DLG2: variants seen among roughly 807,000 people sequenced by gnomAD.
DLG2 encodes the protein discs large MAGUK scaffold protein 2, also known as disks large homolog 2.
In DLG2, 45 loss-of-function variants were observed where a neutral mutation model predicts 132.5. The observed-to-expected ratio is 0.34, with a 90% CI of 0.27 to 0.44. The LOEUF (loss-of-function observed/expected upper bound fraction) is 0.44, where lower values mean the gene tolerates loss of function less well. Ranked by LOEUF, DLG2 falls within the 20% of genes least tolerant of loss-of-function variation. DLG2 has a pLI of 1.00. For synonymous variants in DLG2, 424 were observed against 419.6 expected (o/e 1.01, Z -0.13); for missense variants, 1,045 against 1,196.9 (o/e 0.87, Z 1.87).
intron 21 of DLG2, 136 bp downstream of exon 21, chr11:83,532,572 C>A: frequency 1.5e-6 from 1 of 682,050 alleles, no homozygotes; most frequent in East Asian, 2.8e-5. Context: ...TTATTAACTT[C>A]AGCAATATAT....
chr11:85,422,549 G>A (rs1287215932), intron 3 of DLG2, among the ~76,000 whole-genome samples: 1 of 150,596 alleles, frequency 6.6e-6, no homozygotes, highest in African/African-American at 2.4e-5. Context: ...TTTTTTTGGT[G>A]GGGGGGATTT....
intron 15 of DLG2, among the ~76,000 whole-genome samples, chr11:83,895,145 C>CTTTTTTTT (rs11287512): frequency 4.6e-5 from 4 of 87,910 alleles, no homozygotes; most frequent in Admixed American, 1.4e-4. Flanking sequence ...GAACTACTGT[C>CTTTTTTTT]TTTTTTTTTT....
chr11:85,041,407 T>C (rs942647662), intron 6 of DLG2, among the ~76,000 whole-genome samples: 2 of 151,956 alleles, frequency 1.3e-5, no homozygotes, highest in African/African-American at 4.8e-5. Flanking sequence ...ATATCAAGCA[T>C]GGTACTTTGA....
At chr11:83,700,233 A>G (rs912689727) in intron 18 of DLG2, among the ~76,000 whole-genome samples, 1 of 152,180 alleles carries the variant, frequency 6.6e-6, no homozygotes, top group Non-Finnish European at 1.5e-5. Context: ...GCATTGACAC[A>G]CATCAGTGAA....
In DLG2 at chr11:83,791,908, G is replaced by A. The variant is rs187921778; in HGVS notation, c.1723-5116C>T. The stretch of plus-strand genomic sequence containing the variant: ...TTTTAAAGATTCACTATATGCACAT[G>A]CAAGCACATGACTTTATTTCTCTTG... On this transcript the variant is annotated intron_variant, in intron 17 of 27. Transcript: ENST00000376104. Among the ~76,000 whole-genome samples, 395 of 152,292 alleles carry A rather than the reference G, an allele frequency of 2.6e-3. 4 individuals are homozygous for A. Among genetic ancestry groups the A allele is most frequent in the Middle Eastern group, 0.01 (3 of 294 alleles).
chr11:84,434,977 T>C (rs2098996353), intron 7 of DLG2, among the ~76,000 whole-genome samples: 1 of 140,420 alleles, frequency 7.1e-6, no homozygotes, highest in Admixed American at 7.1e-5. Flanking sequence ...AAAATCACAA[T>C]CATTGTCCAT....
At chr11:85,419,427 T>C (rs2090121479) in intron 3 of DLG2, among the ~76,000 whole-genome samples, 1 of 152,246 alleles carries the variant, frequency 6.6e-6, no homozygotes, top group Non-Finnish European at 1.5e-5. Context: ...TTGAGGAGTA[T>C]CTTTGTGGTG....
At chr11:85,465,025 G>T (rs2092734760) in intron 3 of DLG2, among the ~76,000 whole-genome samples, 1 of 121,164 alleles carries the variant, frequency 8.3e-6, no homozygotes, top group African/African-American at 3.0e-5. Context: ...AGTGAGCCAA[G>T]ATTGTGCCAC....
At chr11:85,430,302 T>C (rs1000103177) in intron 3 of DLG2, among the ~76,000 whole-genome samples, 6 of 151,606 alleles carry the variant, frequency 4.0e-5, no homozygotes, top group Non-Finnish European at 8.8e-5. Flanking sequence ...TATATACATA[T>C]GTAACTAACC....
chr11:84,867,259 C>A (rs1422537629), intron 6 of DLG2, among the ~76,000 whole-genome samples: 1 of 152,188 alleles, frequency 6.6e-6, no homozygotes, highest in Non-Finnish European at 1.5e-5. Context: ...TCATGAACTC[C>A]TATTTGAACA....
intron 18 of DLG2, among the ~76,000 whole-genome samples, chr11:83,657,442 G>T (rs1406109676): frequency 1.3e-5 from 2 of 150,666 alleles, no homozygotes; most frequent in African/African-American, 4.9e-5. Flanking sequence ...AAAGGTATCA[G>T]TTATTTACTT....
intron 18 of DLG2, among the ~76,000 whole-genome samples, chr11:83,674,214 C>T (rs897674049): frequency 6.6e-6 from 1 of 152,178 alleles, no homozygotes; most frequent in Admixed American, 6.5e-5. Flanking sequence ...CAGTGTGAAG[C>T]AGCTTGTAGA....
At chr11:84,887,789 G>T (rs1442737496) in intron 6 of DLG2, among the ~76,000 whole-genome samples, 1 of 151,894 alleles carries the variant, frequency 6.6e-6, no homozygotes, top group Admixed American at 6.6e-5. Context: ...AGGTCTATCT[G>T]CCTCCATACC....
chr11:85,504,182 A>T (rs1287425532), intron 3 of DLG2, among the ~76,000 whole-genome samples: 4 of 152,088 alleles, frequency 2.6e-5, no homozygotes, highest in Non-Finnish European at 5.9e-5. Context: ...CTCTGATGGT[A>T]GTTTCTTTTG....
At chr11:85,152,048 A>G (rs932067532) in intron 5 of DLG2, among the ~76,000 whole-genome samples, 2 of 152,182 alleles carry the variant, frequency 1.3e-5, no homozygotes, top group Non-Finnish European at 2.9e-5. Context: ...CAGAAAGAAC[A>G]GTTACCAGAA....
intron 18 of DLG2, among the ~76,000 whole-genome samples, chr11:83,765,734 T>C (rs2094114465): frequency 6.6e-6 from 1 of 152,210 alleles, no homozygotes. Context: ...TCCTAGTGCC[T>C]AGCAAAGGGC....
At chr11:85,096,040 A>G (rs1224144173) in intron 6 of DLG2, among the ~76,000 whole-genome samples, 1 of 152,170 alleles carries the variant, frequency 6.6e-6, no homozygotes, top group African/African-American at 2.4e-5. Flanking sequence ...CTCTGTGTCT[A>G]GCTAAATGAT....
chr11:84,813,030 T>A (rs970483087), intron 6 of DLG2, among the ~76,000 whole-genome samples: 3 of 152,170 alleles, frequency 2.0e-5, no homozygotes, highest in African/African-American at 7.2e-5. Flanking sequence ...ATCTCATTCT[T>A]GATGTTTAAT....
At chr11:85,226,690 G>A (rs1040654437) in intron 4 of DLG2, among the ~76,000 whole-genome samples, 3 of 152,166 alleles carry the variant, frequency 2.0e-5, no homozygotes, top group Admixed American at 6.6e-5. Flanking sequence ...ATGTGTTGGA[G>A]AGAAGCGTGA....
Sources: allele counts gnomAD v4.1 joint callset (sites outside exome capture counted in the v4.1 genomes callset), GRCh38; gene constraint gnomAD v4.1.1; transcripts MANE v1.5; gene names NCBI Gene and HGNC (gene_info 2026-07-23, HGNC 2026-07-21).